GON4L: variants seen among roughly 807,000 people sequenced by gnomAD.
GON4L encodes the protein GON-4-like protein.
A neutral mutation model predicts 211.8 loss-of-function variants in GON4L; 87 were observed. The observed-to-expected ratio is 0.41, with a 90% CI of 0.35 to 0.49. The LOEUF is 0.49. Ranked by LOEUF, GON4L falls within the 20% of genes least tolerant of loss-of-function variation. The pLI, the probability that GON4L is intolerant of heterozygous loss-of-function variation, is 0.15. For missense variants in GON4L, 2,155 were observed against 2,659.5 expected (o/e 0.81, Z 4.17); for synonymous variants, 875 against 962.6 (o/e 0.91, Z 1.68).
rs548559789 is a variant in GON4L, at chr1:155,785,506, G to C, written c.1748-132C>G. On this transcript the variant is annotated intron_variant, in intron 12 of 31. Coordinates refer to ENST00000368331, the MANE Select transcript of GON4L (RefSeq NM_001282860.2). ...TTCATATCTATCCTTCTTTTTTTGA[G>C]ATGGGTCTCACTATGTCACTCAGGC... The C allele has an allele frequency of 4.0e-6, 3 of 742,340 alleles. No individual in the cohort carries two copies. In the South Asian group the frequency reaches 4.2e-5, roughly 10 times the overall value. 46.0% of individuals were successfully genotyped at this position (742,340 alleles called of 1,614,324 possible). A position where few individuals can be genotyped will look rare whatever the true frequency, so the allele number is the denominator to read the frequency against.
intron 14 of GON4L, among the ~76,000 whole-genome samples, chr1:155,782,383 C>G (rs1664507624): frequency 6.6e-6 from 1 of 152,194 alleles, no homozygotes; most frequent in South Asian, 2.1e-4. Flanking sequence ...TACATATGTA[C>G]TTACCATTGT....
At chr1:155,847,337 C>A (rs1052252322) in intron 2 of GON4L, among the ~76,000 whole-genome samples, 2 of 151,998 alleles carry the variant, frequency 1.3e-5, no homozygotes, top group South Asian at 2.1e-4. Context: ...GAGGCTGAGG[C>A]GGGCAGATGA....
chr1:155,764,474 C>T, intron 21 of GON4L: 2 of 195,810 alleles, frequency 1.0e-5, no homozygotes, highest in South Asian at 1.4e-4. Flanking sequence ...GAGCCTTGCT[C>T]TGTTGCCCAG....
chr1:155,813,325 G>A (rs1449934075), intron 10 of GON4L, among the ~76,000 whole-genome samples: 2 of 151,796 alleles, frequency 1.3e-5, no homozygotes, highest in African/African-American at 2.4e-5. Flanking sequence ...CCACCTATTC[G>A]GGAGGCTGAG....
chr1:155,795,181 T>A, intron 11 of GON4L, 30 bp from the exon 12 acceptor site: 4 of 1,129,148 alleles, frequency 3.5e-6, no homozygotes, highest in Non-Finnish European at 5.4e-6. Flanking sequence ...CAGATGCTCA[T>A]TAACTCTGTT....
At chr1:155,754,510 T>G (rs1172563936) in intron 27 of GON4L, 22 bp from the exon 28 acceptor site, 2 of 1,292,672 alleles carry the variant, frequency 1.5e-6, no homozygotes, top group South Asian at 2.6e-5. Flanking sequence ...TTGGGCTTGA[T>G]TAGCTGCCAA....
At chr1:155,760,875 GT>G (rs1255530609) in intron 23 of GON4L, among the ~76,000 whole-genome samples, 3 of 152,164 alleles carry the variant, frequency 2.0e-5, no homozygotes, top group Non-Finnish European at 4.4e-5. Flanking sequence ...ACGTTCCACA[GT>G]TCTACCCACA....
At chr1:155,840,975 C>T (rs935808051) in intron 2 of GON4L, among the ~76,000 whole-genome samples, 1 of 152,094 alleles carries the variant, frequency 6.6e-6, no homozygotes, top group Non-Finnish European at 1.5e-5. Context: ...GCGGAGGTTG[C>T]GGTGAGCCAA....
At chr1:155,833,352 C>CA (rs1474921281) in intron 2 of GON4L, among the ~76,000 whole-genome samples, 2 of 151,648 alleles carry the variant, frequency 1.3e-5, no homozygotes, top group Non-Finnish European at 2.9e-5. Flanking sequence ...TCTCCCACTG[C>CA]AAAAAAAGGA....
At chr1:155,807,735 A>G (rs1483252849) in intron 10 of GON4L, among the ~76,000 whole-genome samples, 2 of 150,420 alleles carry the variant, frequency 1.3e-5, no homozygotes, top group African/African-American at 4.9e-5. Flanking sequence ...AGAAAATCAG[A>G]AAGTGTGAGA....
intron 2 of GON4L, among the ~76,000 whole-genome samples, chr1:155,838,241 C>G (rs915889858): frequency 6.6e-6 from 1 of 152,110 alleles, no homozygotes; most frequent in African/African-American, 2.4e-5. Context: ...GCCTGGGCAA[C>G]AGAAACCTTG....
At chr1:155,774,350 C>T (rs1478075444) in intron 17 of GON4L, among the ~76,000 whole-genome samples, 2 of 150,874 alleles carry the variant, frequency 1.3e-5, no homozygotes, top group Non-Finnish European at 2.9e-5. Context: ...GCTCTGTCGC[C>T]CAGGCTGGAG....
chr1:155,803,278 C>T (rs922767861), intron 11 of GON4L, among the ~76,000 whole-genome samples: 2 of 149,972 alleles, frequency 1.3e-5, no homozygotes, highest in African/African-American at 2.5e-5. Context: ...TGGAGTCTCG[C>T]TCTGTTGCCA....
At chr1:155,803,177 C>G (rs1666832439) in intron 11 of GON4L, among the ~76,000 whole-genome samples, 1 of 151,950 alleles carries the variant, frequency 6.6e-6, no homozygotes, top group African/African-American at 2.4e-5. Context: ...CTGTTATTTT[C>G]TTTCATTCAC....
chr1:155,853,318 G>T lies in GON4L; in HGVS notation c.463C>A (p.Pro155Thr), dbSNP rs1466074248. Residue 155 changes from proline (P) to threonine (T), a missense_variant, in exon 2 of 32, where the codon CCT becomes ACT. By Grantham distance (38) the Pro-to-Thr change is conservative. Around this residue, in one of 6 missense-constraint regions of GON4L, gnomAD observed 313 missense variants for 293.2 expected, o/e 1.07. Transcript: ENST00000368331. The stretch of plus-strand genomic sequence containing the variant: ...TCTTCACTAGGCTCTCCTGAAAAAG[G>T]CTCCTTTAGGGTAAGATGATCACAT... ...DRCDHLTLKE[P>T]FSGEPSEEVK... 23 of 1,613,900 alleles carry T rather than the reference G, an allele frequency of 1.4e-5. No individual in the cohort carries two copies. The highest frequency in any genetic ancestry group is 1.9e-5 in the Non-Finnish European group (23 of 1,179,896).
At chr1:155,788,826 C>T (rs986321231) in intron 12 of GON4L, among the ~76,000 whole-genome samples, 2 of 152,098 alleles carry the variant, frequency 1.3e-5, no homozygotes, top group African/African-American at 4.8e-5. Flanking sequence ...CGCAGTGGCT[C>T]ACGCCTGTAA....
chr1:155,798,830 T>C (rs184933039), intron 11 of GON4L, among the ~76,000 whole-genome samples: 29 of 152,146 alleles, frequency 1.9e-4, no homozygotes, highest in Admixed American at 1.8e-3. Context: ...AGAACTGCAA[T>C]AGATAGTTCT....
chr1:155,848,498 T>G (rs1466652977), intron 2 of GON4L, among the ~76,000 whole-genome samples: 1 of 152,222 alleles, frequency 6.6e-6, no homozygotes, highest in Admixed American at 6.5e-5. Flanking sequence ...GGATCTACTC[T>G]TTCTACCTGA....
chr1:155,761,301 C>T (rs1661776941), intron 23 of GON4L, among the ~76,000 whole-genome samples: 1 of 150,036 alleles, frequency 6.7e-6, no homozygotes, highest in Non-Finnish European at 1.5e-5. Flanking sequence ...CCACCTCAGA[C>T]TCCCAAAGTA....
Sources: allele counts gnomAD v4.1 joint callset (sites outside exome capture counted in the v4.1 genomes callset), GRCh38; gene constraint gnomAD v4.1.1; regional missense constraint gnomAD v4.1.1; transcripts MANE v1.5; gene names NCBI Gene and HGNC (gene_info 2026-07-23, HGNC 2026-07-21).